TNFRSF8: variants seen among roughly 807,000 people sequenced by gnomAD.
TNFRSF8 encodes TNF receptor superfamily member 8.
A neutral mutation model predicts 70.8 loss-of-function variants in TNFRSF8; 26 were observed. That is an observed-to-expected ratio of 0.37 (90% CI 0.27 to 0.51). The LOEUF is 0.51. TNFRSF8 is among the 20% of genes least tolerant of loss of function. TNFRSF8 has a pLI of 0.94. For synonymous variants in TNFRSF8, 356 were observed against 339.2 expected (o/e 1.05, Z -0.54); for missense variants, 720 against 807.9 (o/e 0.89, Z 1.32).
chr1:12,137,173 T>C (rs908864493), intron 13 of TNFRSF8, among the ~76,000 whole-genome samples: 3 of 152,230 alleles, frequency 2.0e-5, no homozygotes, highest in Admixed American at 6.5e-5. Context: ...AGCAGTGATC[T>C]GGAAGCTGAG....
At chr1:12,124,129 C>T (rs1053716333) in intron 10 of TNFRSF8, among the ~76,000 whole-genome samples, 1 of 152,128 alleles carries the variant, frequency 6.6e-6, no homozygotes, top group Admixed American at 6.5e-5. Flanking sequence ...CTCAGCCTCC[C>T]GAGTAGCTGG....
At position 12,123,253 on chromosome 1, in the gene TNFRSF8, C is replaced by T. The variant is rs773204754; in HGVS notation, c.947-31C>T. 6.3e-6 allele frequency: 10 copies of T among 1,589,018 alleles called. No homozygotes were observed. In the Admixed American group the frequency reaches 1.6e-4, roughly 25 times the overall value. On this transcript the variant is annotated intron_variant, in intron 8 of 14. Coordinates refer to ENST00000263932, the MANE Select transcript of TNFRSF8 (RefSeq NM_001243.5). Reference sequence around the variant, plus strand: ...CCTGGAGACACCAGCCTCCTTGGCGCTGGTTCTCAGATGTTACGTCCCCTC... The same window carrying T: ...CCTGGAGACACCAGCCTCCTTGGCGTTGGTTCTCAGATGTTACGTCCCCTC...
intron 13 of TNFRSF8, 134 bp downstream of exon 13, chr1:12,135,747 G>A: frequency 7.9e-7 from 1 of 1,269,260 alleles, no homozygotes; most frequent in Non-Finnish European, 1.1e-6. Context: ...CCCTCCCACA[G>A]TGCCCAGGGT....
Position 12,123,286 on chromosome 1 carries a change from A to G in TNFRSF8, c.949A>G (p.Met317Val), listed in dbSNP as rs767961562. The G allele has an allele frequency of 1.2e-6, 2 of 1,611,810 alleles. No homozygotes were observed. Among genetic ancestry groups the G allele is most frequent in the South Asian group, 1.1e-5 (1 of 90,348 alleles). ...AAETVTKPQD[M>V]AEKDTTFEAP... ...CAGATGTTACGTCCCCTCTGCAGAT[A>G]TGGCTGAGAAGGACACCACCTTTGA... The change falls in exon 9 of 15, where the codon ATG (methionine) becomes GTG (valine). Residue 317 changes from methionine (M) to valine (V), a missense_variant and splice_region_variant. Transcript: ENST00000263932.
chr1:12,116,453 G>C (rs964622238), intron 8 of TNFRSF8, among the ~76,000 whole-genome samples: 11 of 152,166 alleles, frequency 7.2e-5, no homozygotes, highest in Non-Finnish European at 1.0e-4. Context: ...AGGGCTTTGA[G>C]AGATTTTAAC....
intron 13 of TNFRSF8, among the ~76,000 whole-genome samples, chr1:12,137,230 AG>A (rs1476881818): frequency 6.6e-6 from 1 of 152,140 alleles, no homozygotes; most frequent in Non-Finnish European, 1.5e-5. Flanking sequence ...TGTTTTAAAA[AG>A]CTCCTGTTTT....
intron 1 of TNFRSF8, among the ~76,000 whole-genome samples, chr1:12,078,739 C>T (rs1641011096): frequency 6.6e-6 from 1 of 152,200 alleles, no homozygotes; most frequent in Non-Finnish European, 1.5e-5. Context: ...ATTTCTCGTC[C>T]TTACGTCTCA....
rs80133771 is a variant in TNFRSF8 at position 12,092,474 on chromosome 1, T to C, written c.152-4627T>C. 6.3e-3 allele frequency among the ~76,000 whole-genome samples: 959 copies of C among 151,552 alleles called. 10 individuals carry two copies. The highest frequency in any genetic ancestry group is 0.027 in the Middle Eastern group (8 of 292). On this transcript the variant is annotated intron_variant, in intron 2 of 14. Coordinates refer to ENST00000263932, the MANE Select transcript of TNFRSF8 (RefSeq NM_001243.5). Reference sequence around the variant, plus strand: ...AGGCATGAGTTACCGTGCCTGAAAATGTCCAATTTTCCCCTTTTCTTTTAT... The same window carrying C: ...AGGCATGAGTTACCGTGCCTGAAAACGTCCAATTTTCCCCTTTTCTTTTAT...
chr1:12,075,998 G>A (rs1640946965), intron 1 of TNFRSF8, among the ~76,000 whole-genome samples: 1 of 151,796 alleles, frequency 6.6e-6, no homozygotes, highest in Non-Finnish European at 1.5e-5. Flanking sequence ...CCTGCGAAAA[G>A]CTCCCATCCC....
intron 4 of TNFRSF8, among the ~76,000 whole-genome samples, chr1:12,106,081 A>G (rs1005532373): frequency 1.3e-5 from 2 of 151,792 alleles, no homozygotes; most frequent in African/African-American, 4.8e-5. Flanking sequence ...CAGGGCTTTT[A>G]GCGGTTCTTG....
At chr1:12,085,866 G>C (rs1376536609) in intron 2 of TNFRSF8, among the ~76,000 whole-genome samples, 2 of 152,336 alleles carry the variant, frequency 1.3e-5, no homozygotes, top group Middle Eastern at 6.8e-3. Context: ...TTAGATGGGC[G>C]GGGCAGGACA....
chr1:12,124,410 T>C (rs921856239), intron 10 of TNFRSF8, among the ~76,000 whole-genome samples: 14 of 152,214 alleles, frequency 9.2e-5, no homozygotes, highest in Admixed American at 8.5e-4. Flanking sequence ...TGTTGATTGA[T>C]TTCATGACTT....
chr1:12,128,026 C>T (rs1641973094), intron 12 of TNFRSF8, among the ~76,000 whole-genome samples: 3 of 152,182 alleles, frequency 2.0e-5, no homozygotes, highest in Admixed American at 2.0e-4. Flanking sequence ...CCAAGACAGG[C>T]AAGCTCACAG....
intron 1 of TNFRSF8, among the ~76,000 whole-genome samples, chr1:12,068,607 CT>C (rs916498028): frequency 2.6e-5 from 4 of 152,108 alleles, no homozygotes; most frequent in African/African-American, 9.7e-5. Context: ...TGGGGAGGGA[CT>C]TTTTATACAT....
Position 12,110,616 on chromosome 1 carries a change from G to C in TNFRSF8, c.676+412G>C, listed in dbSNP as rs1641612460. ...AGTCATTTTTCTTTTTCTTTTTTTT[G>C]AGACGGAGTTTCGCTCATGTTGCCC... On this transcript the variant is annotated intron_variant, in intron 6 of 14. Coordinates refer to ENST00000263932, the MANE Select transcript of TNFRSF8 (RefSeq NM_001243.5). This position sits in a 1 kb window ranked among gnomAD's most constrained non-coding sequence, Gnocchi z 4.0. Among the ~76,000 whole-genome samples the C allele has an allele frequency of 6.6e-6, 1 of 151,626 alleles. No homozygotes were observed. Among genetic ancestry groups the C allele is most frequent in the South Asian group, 2.1e-4 (1 of 4,820 alleles).
chr1:12,065,413 T>A (rs1164597684), intron 1 of TNFRSF8, among the ~76,000 whole-genome samples: 1 of 152,170 alleles, frequency 6.6e-6, no homozygotes, highest in East Asian at 1.9e-4. Context: ...AAAAATACTA[T>A]ATATTTAATT....
chr1:12,064,085 G>C (rs990991471), intron 1 of TNFRSF8, among the ~76,000 whole-genome samples: 14 of 152,308 alleles, frequency 9.2e-5, no homozygotes, highest in African/African-American at 2.4e-4. Context: ...TTGTGTGCGC[G>C]GTCCCGTTTG....
In TNFRSF8 at chr1:12,138,745, T is replaced by C. The variant is rs1274338033; in HGVS notation, c.1543+309T>C. 6.6e-6 allele frequency among the ~76,000 whole-genome samples: 1 copy of C among 152,186 alleles called. No individual in the cohort carries two copies. The highest frequency in any genetic ancestry group is 1.5e-5 in the Non-Finnish European group (1 of 68,016). On this transcript the variant is annotated intron_variant, in intron 14 of 14. Transcript: ENST00000263932. This position sits in a 1 kb window ranked among gnomAD's most constrained non-coding sequence, Gnocchi z 5.7. ...GGACAGGAGGAAGACGTGCCAGTGGTCACAGGACCTGCCACTTGTCTGGCG... is the reference window on the plus strand; with the variant it reads ...GGACAGGAGGAAGACGTGCCAGTGGCCACAGGACCTGCCACTTGTCTGGCG...
In TNFRSF8 at chr1:12,141,661, G is replaced by A. The variant is rs984233436; in HGVS notation, c.1544-626G>A. Among the ~76,000 whole-genome samples the A allele has an allele frequency of 2.0e-5, 3 of 152,234 alleles. No individual in the cohort carries two copies. The highest frequency in any genetic ancestry group is 2.9e-5 in the Non-Finnish European group (2 of 68,034). ...CGGACCGAGGGGACTCCCAGGACACGGGACTTGCAGTAGTAGAACCAGGAA... is the reference window on the plus strand; with the variant it reads ...CGGACCGAGGGGACTCCCAGGACACAGGACTTGCAGTAGTAGAACCAGGAA... On this transcript the variant is annotated intron_variant, in intron 14 of 14. Coordinates refer to ENST00000263932, the MANE Select transcript of TNFRSF8 (RefSeq NM_001243.5). This position sits in a 1 kb window ranked among gnomAD's most constrained non-coding sequence, Gnocchi z 5.4.
Sources: allele counts gnomAD v4.1 joint callset (sites outside exome capture counted in the v4.1 genomes callset), GRCh38; gene constraint gnomAD v4.1.1; non-coding constraint Gnocchi (gnomAD v3.1); transcripts MANE v1.5; gene names NCBI Gene and HGNC (gene_info 2026-07-23, HGNC 2026-07-21).